The following TMEM209 variants were observed in gnomAD, a reference collection of about 807,000 sequenced individuals.
TMEM209 encodes testicular tissue protein Li 202.
TMEM209 carries 65 observed loss-of-function variants against 76.2 expected under a neutral mutation model. The observed-to-expected ratio is 0.85, with a 90% CI of 0.70 to 1.05. The LOEUF (loss-of-function observed/expected upper bound fraction) is 1.05. Ranked by LOEUF, TMEM209 falls within the 50% of genes least tolerant of loss-of-function variation. The probability of loss-of-function intolerance (pLI) is 0.00; values close to 1 mark genes in which losing one functional copy is unlikely to be tolerated. For missense variants in TMEM209, 623 were observed against 685.5 expected (o/e 0.91, Z 1.02); for synonymous variants, 239 against 237.6 (o/e 1.01, Z -0.06).
chr7:130,166,607 T>C lies in TMEM209; in HGVS notation c.1632-102A>G, dbSNP rs115435943. On this transcript the variant is annotated intron_variant, in intron 14 of 14. Transcript: ENST00000397622. Reference sequence around the variant, plus strand: ...ATGAATAATACATGTTTAACTGATATTTAATGTGATTCTGCAATGAATTAT... The same window carrying C: ...ATGAATAATACATGTTTAACTGATACTTAATGTGATTCTGCAATGAATTAT... The C allele has an allele frequency of 3.7e-3, 2,204 of 599,348 alleles. 56 individuals carry two copies. The African/African-American group carries it at 0.038, about 10-fold the overall frequency. The allele number at this position is 599,348 out of a possible 1,614,324, so 37.1% of individuals were successfully genotyped here.
At position 130,185,327 on chromosome 7, in the gene TMEM209, G is replaced by C; in HGVS notation, c.816C>G (p.Phe272Leu). ...DSTSPSSSPTFWNYSRSMGDY... is the reference protein window; with the variant it reads ...DSTSPSSSPTLWNYSRSMGDY... The stretch of plus-strand genomic sequence containing the variant: ...CCCCCATAGAACGACTATAGTTCCA[G>C]AAAGTAGGACTGCTGGAAGGAGAGG... Residue 272 changes from phenylalanine (F) to leucine (L), a missense_variant, in exon 7 of 15, where the codon TTC becomes TTG. Coordinates refer to ENST00000397622, the MANE Select transcript of TMEM209 (RefSeq NM_032842.4). The C allele has an allele frequency of 6.2e-7, 1 of 1,613,932 alleles. No individual in the cohort carries two copies. The highest frequency in any genetic ancestry group is 1.7e-5 in the Admixed American group (1 of 60,016).
intron 13 of TMEM209, among the ~76,000 whole-genome samples, chr7:130,172,353 AT>A (rs950450499): frequency 2.6e-5 from 4 of 151,648 alleles, no homozygotes; most frequent in African/African-American, 9.7e-5. Flanking sequence ...TATTTTATTT[AT>A]TTTTTTGAGA....
At chr7:130,184,772 G>T (rs997753663) in intron 7 of TMEM209, among the ~76,000 whole-genome samples, 4 of 152,160 alleles carry the variant, frequency 2.6e-5, no homozygotes, top group African/African-American at 9.7e-5. Context: ...TTACAGGCGT[G>T]AGCCACTGTG....
chr7:130,182,912 T>C (rs1436782488), intron 8 of TMEM209, among the ~76,000 whole-genome samples: 1 of 152,212 alleles, frequency 6.6e-6, no homozygotes, highest in Non-Finnish European at 1.5e-5. Context: ...TGAGTGTGAC[T>C]ATTCATATGT....
At chr7:130,183,802 T>A (rs779964434) in intron 8 of TMEM209, among the ~76,000 whole-genome samples, 5 of 152,206 alleles carry the variant, frequency 3.3e-5, no homozygotes, top group African/African-American at 1.2e-4. Flanking sequence ...TGTTGTCTTA[T>A]CTCTCTAACT....
Position 130,202,568 on chromosome 7 carries a change from G to T in TMEM209, c.295C>A (p.Pro99Thr). The T allele has an allele frequency of 6.2e-7, 1 of 1,613,518 alleles. No homozygotes were observed. Among genetic ancestry groups the T allele is most frequent in the Non-Finnish European group, 8.5e-7 (1 of 1,179,688 alleles). Residue 99 changes from proline (P) to threonine (T), a missense_variant, in exon 4 of 15, where the codon CCT becomes ACT. By Grantham distance (38) the Pro-to-Thr change is conservative. Coordinates refer to ENST00000397622, the MANE Select transcript of TMEM209 (RefSeq NM_032842.4). ...TVAPTSLVVS[P>T]GQQTLLGLKT... ...AACCCTAAAAGTGTTTGCTGTCCAG[G>T]ACTAACAACCAGACTTGTTGGTGCC...
At chr7:130,175,891 A>C (rs914873415) in intron 10 of TMEM209, among the ~76,000 whole-genome samples, 28 of 152,114 alleles carry the variant, frequency 1.8e-4, no homozygotes, top group African/African-American at 6.8e-4. Flanking sequence ...CAATATATTA[A>C]ATATCAGAAA....
intron 13 of TMEM209, 127 bp downstream of exon 13, chr7:130,173,505 G>A (rs1365030027): frequency 1.5e-6 from 1 of 656,080 alleles, no homozygotes; most frequent in Non-Finnish European, 2.6e-6. Flanking sequence ...AAATATATAT[G>A]TAGGAAACAC....
intron 11 of TMEM209, chr7:130,175,110 T>C (rs1797191020): frequency 6.4e-6 from 1 of 155,784 alleles, no homozygotes; most frequent in South Asian, 2.1e-4. Flanking sequence ...TTAACACTTA[T>C]TCTTATGATA....
intron 3 of TMEM209, 30 bp from the exon 4 acceptor site, chr7:130,202,693 G>A (rs201518537): frequency 1.9e-6 from 3 of 1,601,760 alleles, no homozygotes; most frequent in East Asian, 2.2e-5. Context: ...TTTTAATAAG[G>A]GGGGTGAGGA....
At chr7:130,179,814 A>G (rs1354899610) in intron 9 of TMEM209, among the ~76,000 whole-genome samples, 1 of 152,072 alleles carries the variant, frequency 6.6e-6, no homozygotes, top group African/African-American at 2.4e-5. Context: ...AAATACAAAA[A>G]TCAGCCAGGT....
chr7:130,205,376 G>T lies in TMEM209; in HGVS notation c.-1C>A. On this transcript the variant is annotated 5_prime_UTR_variant, in exon 1 of 15. Coordinates refer to ENST00000397622, the MANE Select transcript of TMEM209 (RefSeq NM_032842.4). ...AAACACGACCCCGAAAACGCACCAT[G>T]TCCTCTGGCCGGAAAACGCAGGCTC... The T allele has an allele frequency of 1.2e-6, 2 of 1,613,930 alleles. No homozygotes were observed. The highest frequency in any genetic ancestry group is 8.5e-7 in the Non-Finnish European group (1 of 1,179,906).
At position 130,192,654 on chromosome 7, in the gene TMEM209, C is replaced by T. The variant is rs1415143737; in HGVS notation, c.743G>A (p.Ser248Asn). 2 of 1,613,702 alleles carry T rather than the reference C, an allele frequency of 1.2e-6. No individual in the cohort carries two copies. Among genetic ancestry groups the T allele is most frequent in the East Asian group, 2.2e-5 (1 of 44,862 alleles). Residue 248 changes from serine to asparagine, a missense_variant, in exon 6 of 15, where the codon AGT (serine) becomes AAT (asparagine). Physicochemically the swap from Ser to Asn is conservative, Grantham distance 46 (BLOSUM62 1). Coordinates refer to ENST00000397622, the MANE Select transcript of TMEM209 (RefSeq NM_032842.4). ...DLRTLDTFLRSEEEKQHRVKL... is the reference protein window; with the variant it reads ...DLRTLDTFLRNEEEKQHRVKL... Reference sequence around the variant, plus strand: ...AACCCTATGCTGTTTCTCCTCTTCACTTCTGAGAAAAGTATCCAAAGTTCG... The same window carrying T: ...AACCCTATGCTGTTTCTCCTCTTCATTTCTGAGAAAAGTATCCAAAGTTCG...
intron 11 of TMEM209, chr7:130,175,234 G>C (rs1290438740): frequency 3.3e-6 from 1 of 305,472 alleles, no homozygotes; most frequent in African/African-American, 2.2e-5. Context: ...AGCTGAGGCA[G>C]GGGGATCACT....
chr7:130,197,545 T>A (rs1798031557), intron 5 of TMEM209, among the ~76,000 whole-genome samples: 1 of 152,240 alleles, frequency 6.6e-6, no homozygotes, highest in African/African-American at 2.4e-5. Context: ...TGGTGACAGC[T>A]GCACAATTTG....
chr7:130,173,552 T>G, intron 13 of TMEM209, 80 bp downstream of exon 13: 4 of 1,070,586 alleles, frequency 3.7e-6, no homozygotes, highest in Non-Finnish European at 4.1e-6. Flanking sequence ...TCTATTAACA[T>G]GAGATTATAA....
At chr7:130,182,344 T>C (rs1797451592) in intron 8 of TMEM209, among the ~76,000 whole-genome samples, 1 of 152,220 alleles carries the variant, frequency 6.6e-6, no homozygotes, top group Non-Finnish European at 1.5e-5. Context: ...TTTCTGATTA[T>C]TATGTTTAGC....
intron 9 of TMEM209, 137 bp downstream of exon 9, chr7:130,181,486 A>G (rs1797410565): frequency 1.5e-6 from 1 of 672,272 alleles, no homozygotes; most frequent in Admixed American, 2.9e-5. Context: ...ACGTTAAAAA[A>G]AAATCAAACT....
At chr7:130,176,205 C>T (rs959198307) in intron 10 of TMEM209, among the ~76,000 whole-genome samples, 13 of 151,138 alleles carry the variant, frequency 8.6e-5, no homozygotes, top group Middle Eastern at 3.4e-3. Flanking sequence ...CTCCGCCTCC[C>T]GGGTTCCCAC....
Sources: gnomAD v4.1 joint callset for allele counts (sites outside exome capture counted in the v4.1 genomes callset) on GRCh38, gnomAD v4.1.1 for gene constraint, MANE v1.5 for transcripts, NCBI Gene and HGNC (gene_info 2026-07-23, HGNC 2026-07-21) for gene names.